FUT9: variants seen among roughly 807,000 people sequenced by gnomAD.
The protein encoded by FUT9 is 4-galactosyl-N-acetylglucosaminide 3-alpha-L-fucosyltransferase 9.
FUT9 carries 15 observed loss-of-function variants against 29.7 expected under a neutral mutation model. The ratio of observed to expected loss-of-function variants is 0.51; its 90% CI spans 0.34 to 0.78. The LOEUF (loss-of-function observed/expected upper bound fraction) is 0.78, where lower values mean the gene tolerates loss of function less well. Ranked by LOEUF, FUT9 falls within the 30% of genes least tolerant of loss-of-function variation. The pLI, the probability that FUT9 is intolerant of heterozygous loss-of-function variation, is 0.01. For missense variants in FUT9, 319 were observed against 425.4 expected, an observed-to-expected ratio of 0.75 and a Z score of 2.20; for synonymous variants, 169 against 153.7, an observed-to-expected ratio of 1.10 and a Z score of -0.74.
chr6:96,150,247 C>T (rs2127976393), intron 2 of FUT9, among the ~76,000 whole-genome samples: 1 of 152,172 alleles, frequency 6.6e-6, no homozygotes, highest in African/African-American at 2.4e-5. Flanking sequence ...AGGAGTGATT[C>T]CAGCTGGAGC....
chr6:96,178,872 T>G (rs1163502772), intron 2 of FUT9, among the ~76,000 whole-genome samples: 4 of 152,142 alleles, frequency 2.6e-5, no homozygotes, highest in African/African-American at 9.7e-5. Flanking sequence ...ACATCAGCAT[T>G]CACTATTTGC....
intron 2 of FUT9, among the ~76,000 whole-genome samples, chr6:96,189,918 T>C (rs896135063): frequency 3.9e-5 from 6 of 152,192 alleles, no homozygotes; most frequent in African/African-American, 1.4e-4. Context: ...TTAAAGTTAA[T>C]ATTGTTATGT....
chr6:96,123,784 C>T (rs1772077027), intron 2 of FUT9, among the ~76,000 whole-genome samples: 1 of 151,962 alleles, frequency 6.6e-6, no homozygotes, highest in Non-Finnish European at 1.5e-5. Context: ...ACATTTTATT[C>T]TCCAGCTATA....
At chr6:96,065,008 C>A (rs1269367031) in intron 1 of FUT9, among the ~76,000 whole-genome samples, 1 of 152,196 alleles carries the variant, frequency 6.6e-6, no homozygotes, top group Non-Finnish European at 1.5e-5. Context: ...CCTTGCTTCA[C>A]TCCACATTTG....
intron 1 of FUT9, among the ~76,000 whole-genome samples, chr6:96,045,873 T>C (rs548849901): frequency 1.3e-5 from 2 of 152,326 alleles, no homozygotes; most frequent in African/African-American, 2.4e-5. Flanking sequence ...CTTAATGCAG[T>C]ATGGGTGCCT....
At chr6:96,032,390 G>A (rs1770279268) in intron 1 of FUT9, among the ~76,000 whole-genome samples, 1 of 151,326 alleles carries the variant, frequency 6.6e-6, no homozygotes, top group Non-Finnish European at 1.5e-5. Context: ...ACCTTATTCA[G>A]TCAGTAATTT....
At position 96,016,141 on chromosome 6, in the gene FUT9, C is replaced by A; in HGVS notation, c.-169C>A. On this transcript the variant is annotated 5_prime_UTR_variant, in exon 1 of 3. Transcript: ENST00000302103. ...TCTTAGGACAGCGCCGCCACCGCCG[C>A]CTGGCCCTGCCTGCCTCCTGCGCCG... 1 of 154,886 alleles carries A rather than the reference C, an allele frequency of 6.5e-6. No individual in the cohort carries two copies. The highest frequency in any genetic ancestry group is 1.4e-5 in the Non-Finnish European group (1 of 70,150). The allele number at this position is 154,886 out of a possible 1,614,324, so 9.6% of individuals were successfully genotyped here.
chr6:96,113,840 C>T (rs1412990604), intron 1 of FUT9, among the ~76,000 whole-genome samples, 199 bp from the exon 2 acceptor site: 4 of 126,792 alleles, frequency 3.2e-5, no homozygotes, highest in South Asian at 3.0e-4. Context: ...GGCCACAGAG[C>T]GAGACTCCAT....
chr6:96,048,658 T>G (rs938722357), intron 1 of FUT9, among the ~76,000 whole-genome samples: 3 of 152,126 alleles, frequency 2.0e-5, no homozygotes, highest in Non-Finnish European at 2.9e-5. Flanking sequence ...AGGAGATGAG[T>G]GTATTCTCAT....
At chr6:96,041,209 T>A (rs1770453915) in intron 1 of FUT9, among the ~76,000 whole-genome samples, 2 of 151,732 alleles carry the variant, frequency 1.3e-5, no homozygotes, top group Admixed American at 1.3e-4. Flanking sequence ...GGTTTATGTG[T>A]CCACAAAGCA....
rs144296824 is a variant in FUT9, at chr6:96,045,182, G to A, written c.-98+28970G>A. On this transcript the variant is annotated intron_variant, in intron 1 of 2. Coordinates refer to ENST00000302103, the MANE Select transcript of FUT9 (RefSeq NM_006581.4). Reference sequence around the variant, plus strand: ...ACTGAGGGGGCAAACCAAGAGGTGAGAATTGAAAAGCAAAGGCAAATAATG... The same window carrying A: ...ACTGAGGGGGCAAACCAAGAGGTGAAAATTGAAAAGCAAAGGCAAATAATG... Among the ~76,000 whole-genome samples, 658 of 152,284 alleles carry A rather than the reference G, an allele frequency of 4.3e-3. 3 individuals are homozygous for A. The highest frequency in any genetic ancestry group is 6.0e-3 in the Non-Finnish European group (410 of 68,030).
chr6:96,141,284 G>T (rs919868415), intron 2 of FUT9, among the ~76,000 whole-genome samples: 7 of 151,970 alleles, frequency 4.6e-5, no homozygotes, highest in Non-Finnish European at 1.0e-4. Context: ...TCCAAAGTTT[G>T]GAATACTACT....
At chr6:96,201,250 T>C (rs898939659) in intron 2 of FUT9, among the ~76,000 whole-genome samples, 1 of 151,980 alleles carries the variant, frequency 6.6e-6, no homozygotes, top group Non-Finnish European at 1.5e-5. Context: ...TCTGTATTTG[T>C]ACAAAAATAC....
At chr6:96,054,054 T>C (rs1334350530) in intron 1 of FUT9, among the ~76,000 whole-genome samples, 2 of 152,192 alleles carry the variant, frequency 1.3e-5, no homozygotes, top group South Asian at 2.1e-4. Flanking sequence ...TAGAGTGTTG[T>C]TGTGGTGAGT....
At chr6:96,046,167 TA>T (rs1770560112) in intron 1 of FUT9, among the ~76,000 whole-genome samples, 1 of 149,570 alleles carries the variant, frequency 6.7e-6, no homozygotes. Context: ...TTTTTTTAAC[TA>T]GGACCCAAAA....
intron 1 of FUT9, among the ~76,000 whole-genome samples, chr6:96,047,406 A>G (rs558397717): frequency 9.2e-5 from 14 of 152,144 alleles, no homozygotes; most frequent in Non-Finnish European, 1.9e-4. Context: ...ATAAAGTACA[A>G]TTGTTACAAT....
At chr6:96,042,563 T>G (rs1330446846) in intron 1 of FUT9, among the ~76,000 whole-genome samples, 2 of 152,208 alleles carry the variant, frequency 1.3e-5, no homozygotes, top group Non-Finnish European at 2.9e-5. Context: ...TTCCCCTGTA[T>G]ACTCCAGCAT....
At chr6:96,038,822 T>G (rs570875070) in intron 1 of FUT9, among the ~76,000 whole-genome samples, 1 of 152,284 alleles carries the variant, frequency 6.6e-6, no homozygotes, top group Admixed American at 6.5e-5. Flanking sequence ...GCTTTGGTGA[T>G]ACTGACCTGA....
chr6:96,030,866 A>G (rs1422817766), intron 1 of FUT9, among the ~76,000 whole-genome samples: 3 of 151,558 alleles, frequency 2.0e-5, no homozygotes, highest in South Asian at 2.1e-4. Context: ...TTACATTTAT[A>G]CAACATTAAA....
Sources: allele counts gnomAD v4.1 joint callset (sites outside exome capture counted in the v4.1 genomes callset), GRCh38; gene constraint gnomAD v4.1.1; transcripts MANE v1.5; gene names NCBI Gene and HGNC (gene_info 2026-07-23, HGNC 2026-07-21).